The following MYO16 variants were observed in gnomAD, a reference collection of about 807,000 sequenced individuals.
MYO16 encodes the protein unconventional myosin-XVI.
MYO16 carries 94 observed loss-of-function variants against 205.3 expected under a neutral mutation model. That is an observed-to-expected ratio of 0.46 (90% confidence interval 0.39 to 0.54). MYO16 has a LOEUF of 0.54. Among genes scored for constraint, MYO16 ranks in the 20% least tolerant of loss-of-function variants. The probability of loss-of-function intolerance (pLI) is 0.00; values close to 1 mark genes in which losing one functional copy is unlikely to be tolerated. For synonymous variants in MYO16, 988 were observed against 954.0 expected, an observed-to-expected ratio of 1.04 and a Z score of -0.66; for missense variants, 2,315 against 2,387.5, an observed-to-expected ratio of 0.97 and a Z score of 0.63.
chr13:109,167,484 G>A (rs996253160), intron 33 of MYO16, among the ~76,000 whole-genome samples: 7 of 152,192 alleles, frequency 4.6e-5, no homozygotes, highest in African/African-American at 1.2e-4. Flanking sequence ...GAGGCTGGGC[G>A]TAATGGCAGG....
intron 9 of MYO16, among the ~76,000 whole-genome samples, chr13:108,829,113 G>A (rs1876456908): frequency 6.6e-6 from 1 of 152,144 alleles, no homozygotes; most frequent in South Asian, 2.1e-4. Flanking sequence ...ATCTAAAATG[G>A]GGGCAGTCTT....
At chr13:108,702,562 T>A (rs185606024) in intron 2 of MYO16, among the ~76,000 whole-genome samples, 234 of 152,258 alleles carry the variant, frequency 1.5e-3, no homozygotes, top group African/African-American at 5.4e-3. Context: ...ACTTTCAGGC[T>A]GAAATGAAAG....
intron 10 of MYO16, among the ~76,000 whole-genome samples, chr13:108,851,924 C>A (rs1479462988): frequency 6.6e-6 from 1 of 152,042 alleles, no homozygotes; most frequent in Admixed American, 6.6e-5. Flanking sequence ...CCTTCAATAT[C>A]CCCTGCTGCT....
At chr13:109,203,856 A>G (rs1880496731) in intron 34 of MYO16, among the ~76,000 whole-genome samples, 1 of 152,222 alleles carries the variant, frequency 6.6e-6, no homozygotes, top group South Asian at 2.1e-4. Flanking sequence ...TCACCCATGC[A>G]GGTGAACAGC....
At chr13:108,561,264 C>T in the MYO16 span, among the ~76,000 whole-genome samples, 2 of 152,174 alleles carry the variant, frequency 1.3e-5, no homozygotes, top group African/African-American at 2.4e-5. Context: ...TGGACTGTCT[C>T]TTTCCCATTA....
intron 1 of MYO16, among the ~76,000 whole-genome samples, chr13:108,623,356 G>C (rs1879611544): frequency 6.6e-6 from 1 of 152,116 alleles, no homozygotes; most frequent in Non-Finnish European, 1.5e-5. Flanking sequence ...TTAAAATATT[G>C]TTAAATTTTG....
At chr13:109,013,988 A>G (rs1243336854) in intron 22 of MYO16, among the ~76,000 whole-genome samples, 2 of 152,092 alleles carry the variant, frequency 1.3e-5, no homozygotes, top group Non-Finnish European at 2.9e-5. Context: ...CCATTTGTCT[A>G]TTTTGGCTTT....
intron 16 of MYO16, among the ~76,000 whole-genome samples, chr13:108,913,887 T>C (rs1007737876): frequency 5.3e-5 from 8 of 152,118 alleles, no homozygotes; most frequent in African/African-American, 1.4e-4. Flanking sequence ...GTTGTTCAAA[T>C]AGAGCAAACA....
intron 21 of MYO16, among the ~76,000 whole-genome samples, chr13:109,004,359 A>G (rs1201653797): frequency 1.3e-5 from 2 of 152,186 alleles, no homozygotes; most frequent in African/African-American, 2.4e-5. Context: ...TTTCACCCCA[A>G]ACTTTAATAA....
intron 21 of MYO16, among the ~76,000 whole-genome samples, chr13:109,006,930 G>A (rs1885405604): frequency 6.6e-6 from 1 of 152,150 alleles, no homozygotes; most frequent in Non-Finnish European, 1.5e-5. Flanking sequence ...AAAGGAGATG[G>A]GGAGGAAGCA....
At chr13:108,924,484 G>A (rs1278491282) in intron 16 of MYO16, among the ~76,000 whole-genome samples, 1 of 152,206 alleles carries the variant, frequency 6.6e-6, no homozygotes, top group Non-Finnish European at 1.5e-5. Context: ...AATGGTCGAT[G>A]ATGCTTGAAC....
chr13:108,721,161 T>A (rs1203211673), intron 3 of MYO16, among the ~76,000 whole-genome samples: 1 of 152,232 alleles, frequency 6.6e-6, no homozygotes, highest in Non-Finnish European at 1.5e-5. Flanking sequence ...AATAGTGCAG[T>A]ACAAGAGAAG....
In MYO16 at chr13:108,638,463, A is replaced by G. The variant is rs556964998; in HGVS notation, c.28+8591A>G. ...CCTTTCCACTCAAATATAGCATTTC[A>G]TCTCCCACACTGTTACTGTACTGAA... On this transcript the variant is annotated intron_variant, in intron 1 of 34. Transcript: ENST00000457511. 3.3e-5 allele frequency among the ~76,000 whole-genome samples: 5 copies of G among 152,214 alleles called. No individual in the cohort carries two copies. In the East Asian group the frequency reaches 9.7e-4, roughly 29 times the overall value.
rs866257441 is a variant in MYO16, at chr13:108,869,609, T to C, written c.1425+3367T>C. ...AGCCGGGCGTCGTGGCGGGCGTCTGTAGTCCCAGCTACTCGGGAGGCTGAG... is the reference window on the plus strand; with the variant it reads ...AGCCGGGCGTCGTGGCGGGCGTCTGCAGTCCCAGCTACTCGGGAGGCTGAG... On this transcript the variant is annotated intron_variant, in intron 12 of 34. Transcript: ENST00000457511. Among the ~76,000 whole-genome samples, 14 of 149,846 alleles carry C rather than the reference T, an allele frequency of 9.3e-5. No homozygotes were observed. The East Asian group carries it at 1.6e-3, about 17-fold the overall frequency.
chr13:109,173,097 A>G lies in MYO16; in HGVS notation c.5324-6445A>G, dbSNP rs116520588. Among the ~76,000 whole-genome samples, 523 of 152,336 alleles carry G rather than the reference A, an allele frequency of 3.4e-3. 3 individuals are homozygous for G. Among genetic ancestry groups the G allele is most frequent in the African/African-American group, 0.011 (473 of 41,572 alleles). Reference sequence around the variant, plus strand: ...TCTAGGTTGGAGGATTCAAAATAATATGAAGGGCAGGATGGCAAGAGGAAA... The same window carrying G: ...TCTAGGTTGGAGGATTCAAAATAATGTGAAGGGCAGGATGGCAAGAGGAAA... On this transcript the variant is annotated intron_variant, in intron 33 of 34. Coordinates refer to ENST00000457511, the MANE Select transcript of MYO16 (RefSeq NM_001198950.3).
intron 1 of MYO16, among the ~76,000 whole-genome samples, chr13:108,664,282 A>C (rs1881628837): frequency 6.6e-6 from 1 of 152,200 alleles, no homozygotes. Flanking sequence ...ATCCTATGTA[A>C]AAGTACTTAT....
chr13:108,924,717 C>A (rs548783249), intron 16 of MYO16, among the ~76,000 whole-genome samples: 1 of 152,114 alleles, frequency 6.6e-6, no homozygotes, highest in South Asian at 2.1e-4. Context: ...GTTGCCTGTG[C>A]ACACCCACAG....
intron 10 of MYO16, among the ~76,000 whole-genome samples, chr13:108,851,982 C>T (rs1017688502): frequency 3.3e-5 from 5 of 152,162 alleles, no homozygotes; most frequent in African/African-American, 1.2e-4. Context: ...GGGCCTCCCA[C>T]ACACCCATCT....
At chr13:109,144,255 T>A (rs993055882) in intron 32 of MYO16, among the ~76,000 whole-genome samples, 7 of 152,130 alleles carry the variant, frequency 4.6e-5, no homozygotes, top group African/African-American at 1.7e-4. Context: ...CCTCAGGTGA[T>A]CTGCCCGCCT....
Sources: allele counts gnomAD v4.1 joint callset (sites outside exome capture counted in the v4.1 genomes callset), GRCh38; gene constraint gnomAD v4.1.1; transcripts MANE v1.5; gene names NCBI Gene and HGNC (gene_info 2026-07-23, HGNC 2026-07-21).